Variants in MTMR10 observed in about 807,000 individuals in gnomAD.
MTMR10 encodes the protein myotubularin related protein 10, also known as myotubularin-related protein 10.
A neutral mutation model predicts 88.1 loss-of-function variants in MTMR10; 56 were observed. That is an observed-to-expected ratio of 0.64 (90% CI 0.51 to 0.79). The LOEUF is 0.79. Among genes scored for constraint, MTMR10 ranks in the 30% least tolerant of loss-of-function variants. MTMR10 has a pLI of 0.00. For synonymous variants in MTMR10, 380 were observed against 340.9 expected, an observed-to-expected ratio of 1.11 and a Z score of -1.26; for missense variants, 883 against 924.7, an observed-to-expected ratio of 0.95 and a Z score of 0.58.
the MTMR10 span, chr15:30,927,865 C>T: frequency 4.6e-5 from 45 of 985,556 alleles, no homozygotes; most frequent in Non-Finnish European, 5.2e-5. Context: ...CCAGACCCTG[C>T]CTCTGACTCT....
Position 30,940,322 on chromosome 15 carries a change from C to CA in MTMR10, c.*1147dup. Reference sequence around the variant, plus strand: ...GATCAAGCAAACAACTGTGTCTGCTCATTCTCCTCAACTTTGCTGTCCAAA... The same window carrying CA: ...GATCAAGCAAACAACTGTGTCTGCTCAATTCTCCTCAACTTTGCTGTCCAAA... On this transcript the variant is annotated 3_prime_UTR_variant, in exon 16 of 16. Coordinates refer to ENST00000435680, the MANE Select transcript of MTMR10 (RefSeq NM_017762.3). The CA allele has an allele frequency of 1.0e-6, 1 of 985,392 alleles. No homozygotes were observed. Among genetic ancestry groups the CA allele is most frequent in the Non-Finnish European group, 1.2e-6 (1 of 829,906 alleles). The allele number at this position is 985,392 out of a possible 1,614,324, so 61.0% of individuals were successfully genotyped here.
intron 14 of MTMR10, 27 bp downstream of exon 14, chr15:30,947,103 C>T (rs554675322): frequency 1.3e-5 from 20 of 1,561,124 alleles, no homozygotes; most frequent in African/African-American, 6.9e-5. Flanking sequence ...ACAGGGAAAA[C>T]GTAGCCACAG....
chr15:30,946,823 C>T, intron 14 of MTMR10: 1 of 682,506 alleles, frequency 1.5e-6, no homozygotes, highest in African/African-American at 1.8e-5. Context: ...TTTTTTACTA[C>T]CCAATAGCCC....
At chr15:30,944,512 G>A (rs571082933) in intron 14 of MTMR10, among the ~76,000 whole-genome samples, 1 of 150,292 alleles carries the variant, frequency 6.7e-6, no homozygotes, top group African/African-American at 2.5e-5. Context: ...GTTGCAGTGA[G>A]CCGAGATCAT....
At chr15:30,919,378 CAAAAAA>C in the MTMR10 span, among the ~76,000 whole-genome samples, 1 of 75,120 alleles carries the variant, frequency 1.3e-5, no homozygotes, top group African/African-American at 5.6e-5. Flanking sequence ...AACTCCGTCT[CAAAAAA>C]AAAAAAAAAA....
chr15:30,923,100 A>G, the MTMR10 span, among the ~76,000 whole-genome samples: 1 of 152,182 alleles, frequency 6.6e-6, no homozygotes, highest in Non-Finnish European at 1.5e-5. Context: ...TCAGTGGCCC[A>G]TTAAGTGAAT....
the MTMR10 span, among the ~76,000 whole-genome samples, chr15:30,932,865 A>C: frequency 6.7e-6 from 1 of 150,244 alleles, no homozygotes; most frequent in Admixed American, 6.6e-5. Flanking sequence ...GCTGTGCACC[A>C]CCATGCCTGG....
chr15:30,942,789 G>A (rs755377169), intron 15 of MTMR10, 101 bp downstream of exon 15: 3 of 1,219,796 alleles, frequency 2.5e-6, no homozygotes, highest in Non-Finnish European at 3.4e-6. Context: ...CATTAGCAGT[G>A]TTACTCTTGG....
intron 2 of MTMR10, among the ~76,000 whole-genome samples, chr15:30,987,743 C>T (rs560726536): frequency 1.3e-4 from 19 of 151,240 alleles, no homozygotes; most frequent in Non-Finnish European, 1.9e-4. Context: ...AGGTTTGTTA[C>T]ATAGGTATAT....
Position 30,941,891 on chromosome 15 carries a change from G to A in MTMR10, c.1913C>T (p.Pro638Leu), listed in dbSNP as rs1189038213. Residue 638 changes from proline (P) to leucine (L), a missense_variant, in exon 16 of 16, where the codon CCC (proline) becomes CTC (leucine). Coordinates refer to ENST00000435680, the MANE Select transcript of MTMR10 (RefSeq NM_017762.3). ...EQYFREWFSKPANLHGVILPR... is the reference protein window; with the variant it reads ...EQYFREWFSKLANLHGVILPR... ...CAGAATAACACCGTGCAGGTTGGCGGGTTTGGAAAACCATTCTCTAAAATA... is the reference window on the plus strand; with the variant it reads ...CAGAATAACACCGTGCAGGTTGGCGAGTTTGGAAAACCATTCTCTAAAATA... 5 of 1,613,884 alleles carry A rather than the reference G, an allele frequency of 3.1e-6. No individual in the cohort carries two copies. The Admixed American group carries it at 5.0e-5, about 16-fold the overall frequency.
At chr15:30,936,161 C>T (rs142904762), downstream of MTMR10, among the ~76,000 whole-genome samples, 2 of 152,170 alleles carry the variant, frequency 1.3e-5, no homozygotes, top group African/African-American at 4.8e-5. Context: ...GTGAACAAAA[C>T]ACACAATTCT....
At chr15:30,930,024 AAT>A in the MTMR10 span, among the ~76,000 whole-genome samples, 299 of 138,058 alleles carry the variant, frequency 2.2e-3, no homozygotes, top group African/African-American at 7.5e-3. Flanking sequence ...AATATATAAT[AAT>A]ATATATATTA....
chr15:30,990,850 A>G lies in MTMR10; in HGVS notation c.61-13T>C. On this transcript the variant is annotated splice_polypyrimidine_tract_variant and intron_variant, in intron 1 of 15. Transcript: ENST00000435680. The stretch of plus-strand genomic sequence containing the variant: ...TCTTATCGTCAGTCTGAAATACATT[A>G]GCAAAATAAATCAAAATCTCAATCC... 1 of 1,588,514 alleles carries G rather than the reference A, an allele frequency of 6.3e-7. No individual in the cohort carries two copies. The highest frequency in any genetic ancestry group is 8.6e-7 in the Non-Finnish European group (1 of 1,165,958).
In MTMR10 at chr15:30,959,070, CTTT is replaced by C. The variant is rs907529685; in HGVS notation, c.807_809del (p.Lys270del). 4 of 1,612,120 alleles carry C rather than the reference CTTT, an allele frequency of 2.5e-6. No individual in the cohort carries two copies. Among genetic ancestry groups the C allele is most frequent in the Non-Finnish European group, 3.4e-6 (4 of 1,178,884 alleles). ...TCCCAACAAAAGAATGGGAAAAGAT[CTTT>C]AGATCTTGGTCTGCTAAAGAACTTG... On this transcript the variant is annotated inframe_deletion, in exon 8 of 16. Transcript: ENST00000435680.
At chr15:30,970,960 T>G (rs1458612219) in intron 5 of MTMR10, among the ~76,000 whole-genome samples, 1 of 152,176 alleles carries the variant, frequency 6.6e-6, no homozygotes, top group African/African-American at 2.4e-5. Context: ...TTCAAGTGTA[T>G]AACTTATGTT....
At chr15:30,923,119 T>C in the MTMR10 span, among the ~76,000 whole-genome samples, 3 of 152,128 alleles carry the variant, frequency 2.0e-5, no homozygotes, top group African/African-American at 7.2e-5. Flanking sequence ...ATCAGGGTGA[T>C]GTAGGGGTGG....
chr15:30,941,430 G>T lies in MTMR10; in HGVS notation c.*40C>A. On this transcript the variant is annotated 3_prime_UTR_variant, in exon 16 of 16. Transcript: ENST00000435680. ...AGCAATGTTAATTCAGAGGAAAAAA[G>T]TTGACAGCTTCCCTCAAAATGTTCA... is the stretch of plus-strand genomic sequence containing the variant. The T allele has an allele frequency of 2.5e-6, 4 of 1,569,334 alleles. No individual in the cohort carries two copies. Among genetic ancestry groups the T allele is most frequent in the South Asian group, 2.4e-5 (2 of 82,174 alleles).
intron 2 of MTMR10, among the ~76,000 whole-genome samples, chr15:30,988,780 G>C (rs2031117508): frequency 6.6e-6 from 1 of 152,220 alleles, no homozygotes; most frequent in African/African-American, 2.4e-5. Context: ...CCTGAGGGCA[G>C]GAGTTCAAGA....
rs200152708 is a variant in MTMR10, at chr15:30,959,131, A to G, written c.759-10T>C. The G allele has an allele frequency of 6.7e-6, 3 of 447,354 alleles. No homozygotes were observed. Among genetic ancestry groups the G allele is most frequent in the East Asian group, 1.2e-3 (1 of 826 alleles). 27.7% of individuals were successfully genotyped at this position (447,354 alleles called of 1,614,324 possible). ...AATGTATTCTGGAAGGCTGGAGGGG[A>G]AAAAAAAAATTATATGAGTGCTGTG... On this transcript the variant is annotated splice_polypyrimidine_tract_variant and intron_variant, in intron 7 of 15. Transcript: ENST00000435680.
Sources: allele counts gnomAD v4.1 joint callset (sites outside exome capture counted in the v4.1 genomes callset), GRCh38; gene constraint gnomAD v4.1.1; transcripts MANE v1.5; gene names NCBI Gene and HGNC (gene_info 2026-07-23, HGNC 2026-07-21).